UCHL1: variants seen among roughly 807,000 people sequenced by gnomAD.
UCHL1 encodes ubiquitin carboxyl-terminal hydrolase isozyme L1.
A neutral mutation model predicts 33.3 loss-of-function variants in UCHL1; 5 were observed. The observed-to-expected ratio is 0.15, with a 90% CI of 0.08 to 0.32. The LOEUF (loss-of-function observed/expected upper bound fraction) is 0.32, where lower values mean the gene tolerates loss of function less well. Ranked by LOEUF, UCHL1 falls within the 10% of genes least tolerant of loss-of-function variation. UCHL1 has a pLI of 1.00. For missense variants in UCHL1, 236 were observed against 280.0 expected, an observed-to-expected ratio of 0.84 and a Z score of 1.12; for synonymous variants, 132 against 108.8, an observed-to-expected ratio of 1.21 and a Z score of -1.33.
intron 8 of UCHL1, among the ~76,000 whole-genome samples, chr4:41,267,025 C>G (rs562042379): frequency 2.0e-5 from 3 of 152,244 alleles, no homozygotes; most frequent in African/African-American, 7.2e-5. Context: ...TATCTTTCCA[C>G]TGGGCTTTTT....
rs563836596 is a variant in UCHL1 at position 41,257,830 on chromosome 4, CT to C, written c.174+94del. 1.3e-3 allele frequency: 1,953 copies of C among 1,472,044 alleles called. 1 individual carries two copies. Among genetic ancestry groups the C allele is most frequent in the Non-Finnish European group, 1.6e-3 (1,741 of 1,113,794 alleles). 91.2% of individuals were successfully genotyped at this position (1,472,044 alleles called of 1,614,324 possible). A position where few individuals can be genotyped will look rare whatever the true frequency, so the allele number is the denominator to read the frequency against. ...GGGGCTCCCCGCCCCGCCCCCTCCCCTGTAGGTGATGCGGGGCGCGCCTACA... is the reference window on the plus strand; with the variant it reads ...GGGGCTCCCCGCCCCGCCCCCTCCCCGTAGGTGATGCGGGGCGCGCCTACA... On this transcript the variant is annotated intron_variant, in intron 3 of 8. Transcript: ENST00000284440.
intron 3 of UCHL1, among the ~76,000 whole-genome samples, chr4:41,258,777 T>C (rs1781024860): frequency 6.6e-6 from 1 of 152,208 alleles, no homozygotes; most frequent in African/African-American, 2.4e-5. Context: ...AGCTAAGTAT[T>C]GTGGGTAAAA....
At position 41,263,301 on chromosome 4, in the gene UCHL1, A is replaced by G. The variant is rs767597442; in HGVS notation, c.526+10A>G. The G allele has an allele frequency of 1.9e-6, 3 of 1,613,432 alleles. No homozygotes were observed. The highest frequency in any genetic ancestry group is 2.5e-6 in the Non-Finnish European group (3 of 1,179,520). On this transcript the variant is annotated intron_variant, in intron 7 of 8. Coordinates refer to ENST00000284440, the MANE Select transcript of UCHL1 (RefSeq NM_004181.5). ...CACCTCTATGAACTTGGTATGTTTT[A>G]CTCCATTTTTGGAACCCAGTGTAGT...
intron 5 of UCHL1, 35 bp from the exon 6 acceptor site, chr4:41,261,841 A>G (rs1355318086): frequency 5.0e-6 from 8 of 1,614,128 alleles, no homozygotes; most frequent in Non-Finnish European, 6.8e-6. Flanking sequence ...ATAACTCTAG[A>G]GATTTTTGTG....
rs1781101469 is a variant in UCHL1, at chr4:41,263,232, A to G, written c.467A>G (p.Asp156Gly). 1 of 1,613,860 alleles carries G rather than the reference A, an allele frequency of 6.2e-7. No individual in the cohort carries two copies. Among genetic ancestry groups the G allele is most frequent in the African/African-American group, 1.3e-5 (1 of 74,930 alleles). Reference protein sequence around the residue: ...VAQEGQCRVDDKVNFHFILFN... With the variant: ...VAQEGQCRVDGKVNFHFILFN... ...TTTCTTGACTTTCTTTAGGTAGATG[A>G]CAAGGTGAATTTCCATTTTATTCTG... is the stretch of plus-strand genomic sequence containing the variant. Residue 156 changes from aspartate to glycine, a missense_variant, in exon 7 of 9, where the codon GAC becomes GGC. Coordinates refer to ENST00000284440, the MANE Select transcript of UCHL1 (RefSeq NM_004181.5).
intron 7 of UCHL1, 48 bp downstream of exon 7, chr4:41,263,339 T>C: frequency 1.3e-6 from 2 of 1,533,892 alleles, no homozygotes; most frequent in Non-Finnish European, 1.8e-6. Context: ...CATGTGTTCT[T>C]TCAGACTGAA....
intron 3 of UCHL1, among the ~76,000 whole-genome samples, chr4:41,259,074 T>C (rs541753871): frequency 6.6e-6 from 1 of 152,360 alleles, no homozygotes; most frequent in South Asian, 2.1e-4. Context: ...GAATCTTGTT[T>C]AGAGAACATT....
At chr4:41,264,751 T>TA (rs1224604915) in intron 8 of UCHL1, among the ~76,000 whole-genome samples, 1 of 152,166 alleles carries the variant, frequency 6.6e-6, no homozygotes, top group Non-Finnish European at 1.5e-5. Flanking sequence ...GCCTCTTCAC[T>TA]AAAAAATGAG....
intron 8 of UCHL1, among the ~76,000 whole-genome samples, chr4:41,266,120 C>T (rs745659969): frequency 9.9e-5 from 15 of 151,760 alleles, no homozygotes; most frequent in Non-Finnish European, 1.6e-4. Context: ...GAGGGACTCA[C>T]TATGTTGCCC....
rs772943928 is a variant in UCHL1, at chr4:41,261,711, T to A, written c.326-4T>A. 1 of 1,611,180 alleles carries A rather than the reference T, an allele frequency of 6.2e-7. No homozygotes were observed. The highest frequency in any genetic ancestry group is 1.7e-5 in the Admixed American group (1 of 59,966). On this transcript the variant is annotated splice_region_variant and splice_polypyrimidine_tract_variant and intron_variant, in intron 4 of 8. Coordinates refer to ENST00000284440, the MANE Select transcript of UCHL1 (RefSeq NM_004181.5). ...TATACTAACACATCCATTTTTTTTT[T>A]AAGAGGATGGATCAGTTCTGAAACA...
At chr4:41,265,707 C>T (rs1781141202) in intron 8 of UCHL1, among the ~76,000 whole-genome samples, 4 of 152,168 alleles carry the variant, frequency 2.6e-5, no homozygotes, top group Admixed American at 2.6e-4. Flanking sequence ...CCCTAAGATG[C>T]TAGTGGACCA....
intron 3 of UCHL1, among the ~76,000 whole-genome samples, chr4:41,259,141 C>T (rs1561080037): frequency 6.6e-6 from 1 of 152,204 alleles, no homozygotes; most frequent in Non-Finnish European, 1.5e-5. Context: ...TTCAATTCAA[C>T]CTATCAGATT....
chr4:41,261,667 C>T, intron 4 of UCHL1, 48 bp from the exon 5 acceptor site: 1 of 1,578,540 alleles, frequency 6.3e-7, no homozygotes, highest in Non-Finnish European at 8.6e-7. Context: ...AAATATGTAC[C>T]CACTTGTATT....
chr4:41,267,488 C>T (rs1330606014), intron 8 of UCHL1, among the ~76,000 whole-genome samples: 4 of 152,242 alleles, frequency 2.6e-5, no homozygotes, highest in South Asian at 2.1e-4. Flanking sequence ...CCTCGTGATC[C>T]GCCTGCCTCA....
intron 2 of UCHL1, 146 bp from the exon 3 acceptor site, chr4:41,257,463 C>G (rs1196754048): frequency 8.7e-6 from 10 of 1,145,872 alleles, no homozygotes; most frequent in Non-Finnish European, 1.1e-5. Context: ...TGCGCCGGCC[C>G]GGGTGGGGGT....
rs758779751 is a variant in UCHL1 at position 41,268,034 on chromosome 4, A to G, written c.633A>G (p.Glu211=). Residue 211 remains glutamate, a synonymous_variant, in exon 9 of 9, where the codon GAA becomes GAG. Transcript: ENST00000284440. Reference sequence around the variant, plus strand: ...AATTCACCGAGCGTGAGCAAGGAGAAGTCCGCTTCTCTGCCGTGGCTCTCT... The same window carrying G: ...AATTCACCGAGCGTGAGCAAGGAGAGGTCCGCTTCTCTGCCGTGGCTCTCT... The part of the protein sequence containing the change: ...CREFTEREQG[E]VRFSAVALCK... 2 of 1,613,726 alleles carry G rather than the reference A, an allele frequency of 1.2e-6. No individual in the cohort carries two copies. Among genetic ancestry groups the G allele is most frequent in the Non-Finnish European group, 1.7e-6 (2 of 1,179,874 alleles).
chr4:41,267,462 G>A (rs1781172804), intron 8 of UCHL1, among the ~76,000 whole-genome samples: 1 of 152,108 alleles, frequency 6.6e-6, no homozygotes. Flanking sequence ...TGGCCAGGAT[G>A]GTCTCTATCT....
chr4:41,265,331 C>T (rs1345919654), intron 8 of UCHL1, among the ~76,000 whole-genome samples: 1 of 152,216 alleles, frequency 6.6e-6, no homozygotes, highest in Non-Finnish European at 1.5e-5. Flanking sequence ...ATAATCCCAG[C>T]ACTTGGGAGG....
At position 41,268,385 on chromosome 4, in the gene UCHL1, ATTGT is replaced by A. The variant is rs1781188258; in HGVS notation, c.*317_*320del. Reference sequence around the variant, plus strand: ...AAGTTAAGACCTTGGATGTGGTTTAATTGTTTGTCCTCAAAAGGAATAAAACTTT... The same window carrying A: ...AAGTTAAGACCTTGGATGTGGTTTAATTGTCCTCAAAAGGAATAAAACTTT... On this transcript the variant is annotated 3_prime_UTR_variant, in exon 9 of 9. Coordinates refer to ENST00000284440, the MANE Select transcript of UCHL1 (RefSeq NM_004181.5). The A allele has an allele frequency of 7.5e-6, 3 of 401,046 alleles. No individual in the cohort carries two copies. The highest frequency in any genetic ancestry group is 1.4e-5 in the Non-Finnish European group (3 of 221,386). The allele number at this position is 401,046 out of a possible 1,614,324, so 24.8% of individuals were successfully genotyped here.
Sources: gnomAD v4.1 joint callset for allele counts (sites outside exome capture counted in the v4.1 genomes callset) on GRCh38, gnomAD v4.1.1 for gene constraint, MANE v1.5 for transcripts, NCBI Gene and HGNC (gene_info 2026-07-23, HGNC 2026-07-21) for gene names.